ACOXL: variants seen among roughly 807,000 people sequenced by gnomAD.
The protein encoded by ACOXL is acyl-coenzyme A oxidase-like protein.
A neutral mutation model predicts 71.9 loss-of-function variants in ACOXL; 70 were observed. That is an observed-to-expected ratio of 0.97 (90% confidence interval 0.80 to 1.19). The LOEUF (loss-of-function observed/expected upper bound fraction) is 1.19, where lower values mean the gene tolerates loss of function less well. Among genes scored for constraint, ACOXL ranks in the 50% most tolerant of loss-of-function variants. The probability of loss-of-function intolerance (pLI) is 0.00; values close to 1 mark genes in which losing one functional copy is unlikely to be tolerated. For synonymous variants in ACOXL, 253 were observed against 281.6 expected (o/e 0.90, Z 1.02); for missense variants, 703 against 736.3 (o/e 0.95, Z 0.52).
At chr2:110,921,229 C>A (rs761722426) in intron 11 of ACOXL, among the ~76,000 whole-genome samples, 60 of 151,994 alleles carry the variant, frequency 3.9e-4, no homozygotes, top group Non-Finnish European at 6.6e-4. Context: ...GGATAGAGGC[C>A]TATCAATTTT....
chr2:110,924,397 C>T (rs1372669158), intron 11 of ACOXL, among the ~76,000 whole-genome samples: 1 of 152,182 alleles, frequency 6.6e-6, no homozygotes, highest in Non-Finnish European at 1.5e-5. Context: ...AGCGTTTTAC[C>T]CACAGCAGAA....
chr2:110,735,532 C>G (rs1676721768), intron 1 of ACOXL, among the ~76,000 whole-genome samples: 1 of 152,232 alleles, frequency 6.6e-6, no homozygotes, highest in South Asian at 2.1e-4. Context: ...CCTACACACA[C>G]TGGGTGGCCA....
At chr2:110,735,701 T>G (rs1676748192) in intron 1 of ACOXL, among the ~76,000 whole-genome samples, 1 of 152,228 alleles carries the variant, frequency 6.6e-6, no homozygotes, top group South Asian at 2.1e-4. Flanking sequence ...TCCTGGCTGC[T>G]GTGCCCGCCC....
At position 111,092,789 on chromosome 2, in the gene ACOXL, C is replaced by G. The variant is rs1335788700; in HGVS notation, c.1441-76C>G. 4.0e-6 allele frequency: 4 copies of G among 1,000,892 alleles called. No individual in the cohort carries two copies. In the African/African-American group the frequency reaches 6.5e-5, roughly 16 times the overall value. 62.0% of individuals were successfully genotyped at this position (1,000,892 alleles called of 1,614,324 possible). A position where few individuals can be genotyped will look rare whatever the true frequency, so the allele number is the denominator to read the frequency against. On this transcript the variant is annotated intron_variant, in intron 16 of 17. Transcript: ENST00000439055. Reference sequence around the variant, plus strand: ...TGAAATGTAATATTATGTTATTTCTCTTTCGCCTCCTTAGATTTTGTGTTT... The same window carrying G: ...TGAAATGTAATATTATGTTATTTCTGTTTCGCCTCCTTAGATTTTGTGTTT...
At chr2:110,904,960 C>G (rs563281005) in intron 10 of ACOXL, among the ~76,000 whole-genome samples, 44 of 152,168 alleles carry the variant, frequency 2.9e-4, no homozygotes, top group Non-Finnish European at 5.3e-4. Flanking sequence ...ATGAAAAATG[C>G]ACTCAAAGGG....
At chr2:111,016,027 G>T (rs1558871118) in intron 14 of ACOXL, among the ~76,000 whole-genome samples, 1 of 152,102 alleles carries the variant, frequency 6.6e-6, no homozygotes. Flanking sequence ...CTACTTCCTG[G>T]GCTCAGGCAA....
chr2:111,092,971 G>A lies in ACOXL; in HGVS notation c.1542+5G>A. 1.2e-6 allele frequency: 2 copies of A among 1,611,812 alleles called. No individual in the cohort carries two copies. The highest frequency in any genetic ancestry group is 2.2e-5 in the East Asian group (1 of 44,848). ...AGCACGAGGATCAGGAATCAGGTAA[G>A]GTCCCTGGGGTACAGAAAAACACTT... On this transcript the variant is annotated splice_donor_5th_base_variant and intron_variant, in intron 17 of 17. Transcript: ENST00000439055.
intron 12 of ACOXL, among the ~76,000 whole-genome samples, chr2:110,972,355 A>G (rs751547416): frequency 3.9e-5 from 6 of 152,160 alleles, no homozygotes; most frequent in Non-Finnish European, 5.9e-5. Context: ...TTAAGTCCAG[A>G]CTGTAAGCCT....
intron 12 of ACOXL, among the ~76,000 whole-genome samples, chr2:110,984,934 A>G (rs2062862744): frequency 6.6e-6 from 1 of 152,224 alleles, no homozygotes; most frequent in Admixed American, 6.5e-5. Flanking sequence ...ACAGCAAGCC[A>G]GTAAACAAGT....
chr2:111,036,268 A>G (rs1000013537), intron 15 of ACOXL, among the ~76,000 whole-genome samples: 1 of 152,074 alleles, frequency 6.6e-6, no homozygotes, highest in African/African-American at 2.4e-5. Context: ...CCCAGTACCC[A>G]TCTGCTGGTG....
intron 9 of ACOXL, among the ~76,000 whole-genome samples, chr2:110,838,945 A>G (rs141283912): frequency 5.6e-4 from 85 of 152,252 alleles, no homozygotes; most frequent in African/African-American, 2.0e-3. Flanking sequence ...CTCCCTGTCC[A>G]CTGGAGTTTC....
intron 1 of ACOXL, among the ~76,000 whole-genome samples, chr2:110,749,164 A>T (rs1256400791): frequency 6.6e-6 from 1 of 152,200 alleles, no homozygotes; most frequent in East Asian, 1.9e-4. Context: ...CTAGATCAAA[A>T]TTGATTTTTG....
chr2:110,790,187 C>T (rs1002684731), intron 3 of ACOXL, among the ~76,000 whole-genome samples: 10 of 152,218 alleles, frequency 6.6e-5, no homozygotes, highest in Admixed American at 1.3e-4. Flanking sequence ...CCTCCTGGGA[C>T]GTGGCTGGGG....
chr2:110,748,488 C>T (rs1328364660), intron 1 of ACOXL, among the ~76,000 whole-genome samples: 1 of 152,192 alleles, frequency 6.6e-6, no homozygotes, highest in Admixed American at 6.5e-5. Flanking sequence ...AGCAGCTGTA[C>T]ATTTCCCCGG....
intron 12 of ACOXL, among the ~76,000 whole-genome samples, chr2:110,983,652 A>G (rs910485377): frequency 6.6e-6 from 1 of 152,210 alleles, no homozygotes. Flanking sequence ...TCTTAAGGAA[A>G]CCTTGAATAA....
chr2:110,797,066 C>T (rs1227070014), intron 5 of ACOXL, among the ~76,000 whole-genome samples: 1 of 152,190 alleles, frequency 6.6e-6, no homozygotes, highest in African/African-American at 2.4e-5. Context: ...GCCCTGTATT[C>T]AGAGCTGGCA....
intron 1 of ACOXL, among the ~76,000 whole-genome samples, chr2:110,744,522 A>G (rs1677945775): frequency 6.6e-6 from 1 of 152,206 alleles, no homozygotes; most frequent in African/African-American, 2.4e-5. Context: ...CATCAAGCAC[A>G]GTATCAGTGA....
intron 17 of ACOXL, among the ~76,000 whole-genome samples, chr2:111,110,731 T>C (rs1340898416): frequency 6.6e-6 from 1 of 152,244 alleles, no homozygotes; most frequent in Non-Finnish European, 1.5e-5. Context: ...TTCATTAACG[T>C]TACTTTCTTA....
At chr2:110,817,253 A>C (rs1024668023) in intron 9 of ACOXL, among the ~76,000 whole-genome samples, 6 of 152,032 alleles carry the variant, frequency 3.9e-5, no homozygotes, top group African/African-American at 1.4e-4. Context: ...GCTCACAGCA[A>C]CTCCACCAGG....
Sources: gnomAD v4.1 joint callset for allele counts (sites outside exome capture counted in the v4.1 genomes callset) on GRCh38, gnomAD v4.1.1 for gene constraint, MANE v1.5 for transcripts, NCBI Gene and HGNC (gene_info 2026-07-23, HGNC 2026-07-21) for gene names.